The following ZNF639 variants were observed in gnomAD, a reference collection of about 807,000 sequenced individuals.
ZNF639 encodes zinc finger protein 639, also known as zinc finger amplified in esophageal squamous cell carcinomas 1.
In ZNF639, 20 loss-of-function variants were observed where a neutral mutation model predicts 39.8. The observed-to-expected ratio is 0.50, with a 90% confidence interval of 0.35 to 0.73. ZNF639 has a LOEUF of 0.73. Among genes scored for constraint, ZNF639 ranks in the 30% least tolerant of loss-of-function variants. The pLI is 0.00. For missense variants in ZNF639, 477 were observed against 566.2 expected, an observed-to-expected ratio of 0.84 and a Z score of 1.60; for synonymous variants, 176 against 189.8, an observed-to-expected ratio of 0.93 and a Z score of 0.60.
chr3:179,333,089 A>T lies in ZNF639; in HGVS notation c.270A>T (p.Val90=). ...RNQNYLVPSP[V]LRILDHTAFS... ...AGAACTACCTGGTTCCCAGTCCTGT[A>T]CTTAGAATTCTAGACCACACTGCCT... Residue 90 remains valine (V), a synonymous_variant, in exon 5 of 6, where the codon GTA becomes GTT. Coordinates refer to ENST00000496856, the MANE Select transcript of ZNF639 (RefSeq NM_001303426.2). 1 of 1,602,166 alleles carries T rather than the reference A, an allele frequency of 6.2e-7. No homozygotes were observed. Among genetic ancestry groups the T allele is most frequent in the Non-Finnish European group, 8.5e-7 (1 of 1,173,572 alleles).
intron 4 of ZNF639, among the ~76,000 whole-genome samples, chr3:179,331,775 C>CAAA (rs56708873): frequency 8.2e-4 from 66 of 80,384 alleles, no homozygotes; most frequent in Admixed American, 1.1e-3. Flanking sequence ...AACTCCATCT[C>CAAA]AAAAAAAAAA....
At position 179,333,857 on chromosome 3, in the gene ZNF639, T is replaced by G. The variant is rs778155081; in HGVS notation, c.893T>G (p.Phe298Cys). 2 of 1,613,988 alleles carry G rather than the reference T, an allele frequency of 1.2e-6. No individual in the cohort carries two copies. The highest frequency in any genetic ancestry group is 4.5e-5 in the East Asian group (2 of 44,880). ...TGGTGTGAACAGTGTGATGTACAGT[T>G]CTCCTCAAGCAGTGAACTCTACCTA... is the stretch of plus-strand genomic sequence containing the variant. ...LYWCEQCDVQ[F>C]SSSSELYLHF... Residue 298 changes from phenylalanine (F) to cysteine (C), a missense_variant, in exon 6 of 6, where the codon TTC becomes TGC. Physicochemically the swap from Phe to Cys is radical, Grantham distance 205 (BLOSUM62 -2). Transcript: ENST00000496856.
At chr3:179,329,893 A>T (rs1440603562) in intron 4 of ZNF639, 165 bp downstream of exon 4, 1 of 398,024 alleles carries the variant, frequency 2.5e-6, no homozygotes, top group Non-Finnish European at 4.5e-6. Context: ...TAAGAAAGCA[A>T]GTAATTTTAA....
At chr3:179,326,867 ATAATC>A in intron 1 of ZNF639, among the ~76,000 whole-genome samples, 1 of 151,928 alleles carries the variant, frequency 6.6e-6, no homozygotes, top group African/African-American at 2.4e-5. Context: ...TCTTAAATAA[ATAATC>A]TATAAGGGCT....
rs1259534750 is a variant in ZNF639 at position 179,323,281 on chromosome 3, G to A, written c.-93G>A. ...CGTGGGCCGGCCGGGAGGGCCTCGG[G>A]GGACTGACTGGTGAGTGTGAGGGAG... On this transcript the variant is annotated 5_prime_UTR_variant, in exon 1 of 6. Coordinates refer to ENST00000496856, the MANE Select transcript of ZNF639 (RefSeq NM_001303426.2). 1.0e-6 allele frequency: 1 copy of A among 985,158 alleles called. No individual in the cohort carries two copies. The highest frequency in any genetic ancestry group is 1.7e-5 in the African/African-American group (1 of 57,182). 61.0% of individuals were successfully genotyped at this position (985,158 alleles called of 1,614,324 possible).
intron 1 of ZNF639, chr3:179,325,416 A>T (rs1039790542): frequency 5.9e-5 from 9 of 152,240 alleles, no homozygotes; most frequent in African/African-American, 1.9e-4. Context: ...ACTGGTAGCT[A>T]AGAACTGGAA....
intron 3 of ZNF639, 42 bp downstream of exon 3, chr3:179,328,393 C>A: frequency 7.4e-7 from 1 of 1,352,828 alleles, no homozygotes; most frequent in Non-Finnish European, 1.0e-6. Context: ...GGATTAATTC[C>A]CACAAAATTA....
intron 1 of ZNF639, 48 bp downstream of exon 1, chr3:179,323,339 G>A: frequency 2.0e-6 from 2 of 985,742 alleles, no homozygotes; most frequent in South Asian, 4.7e-5. Context: ...ACTGCTCCAG[G>A]GGACGCGGGC....
In ZNF639 at chr3:179,338,448, T is replaced by C. The variant is rs1479184693; in HGVS notation, c.*4026T>C. On this transcript the variant is annotated 3_prime_UTR_variant, in exon 6 of 6. Transcript: ENST00000496856. ...CCAATTTTGCCATTTTAAATCACCT[T>C]TCTTACGTTTCTCTGAATTGTATAT... 1 of 152,200 alleles carries C rather than the reference T, an allele frequency of 6.6e-6. No individual in the cohort carries two copies. The highest frequency in any genetic ancestry group is 2.4e-5 in the African/African-American group (1 of 41,452). 9.4% of individuals were successfully genotyped at this position (152,200 alleles called of 1,614,324 possible).
At chr3:179,325,835 A>G (rs533157256) in intron 1 of ZNF639, among the ~76,000 whole-genome samples, 1 of 152,020 alleles carries the variant, frequency 6.6e-6, no homozygotes, top group Admixed American at 6.5e-5. Flanking sequence ...GAGCCAAGAT[A>G]GCGCCACTGC....
rs71181282 is a variant in ZNF639, at chr3:179,329,909, CTTT to C, written c.169+200_169+202del. 1.5e-3 allele frequency: 311 copies of C among 208,448 alleles called. 2 individuals carry two copies. Among genetic ancestry groups the C allele is most frequent in the South Asian group, 2.8e-3 (36 of 12,886 alleles). The allele number at this position is 208,448 out of a possible 1,614,324, so 12.9% of individuals were successfully genotyped here. On this transcript the variant is annotated intron_variant, in intron 4 of 5. Coordinates refer to ENST00000496856, the MANE Select transcript of ZNF639 (RefSeq NM_001303426.2). Reference sequence around the variant, plus strand: ...AAGAAAGCAAGTAATTTTAACTATTCTTTTTTTTTTTTTTTTTTTTTGAGATGG... The same window carrying C: ...AAGAAAGCAAGTAATTTTAACTATTCTTTTTTTTTTTTTTTTTTGAGATGG...
rs1399335909 is a variant in ZNF639, at chr3:179,337,641, T to C, written c.*3219T>C. On this transcript the variant is annotated 3_prime_UTR_variant, in exon 6 of 6. Transcript: ENST00000496856. The stretch of plus-strand genomic sequence containing the variant: ...CGTGAGCCACTGCACCCGGCATAAT[T>C]TTGGACTTTTTGATGAATCTGCAGC... 2 of 151,984 alleles carry C rather than the reference T, an allele frequency of 1.3e-5. No individual in the cohort carries two copies. The highest frequency in any genetic ancestry group is 2.9e-5 in the Non-Finnish European group (2 of 68,058). The allele number at this position is 151,984 out of a possible 1,614,324, so 9.4% of individuals were successfully genotyped here.
chr3:179,328,774 A>AT (rs35129479), intron 3 of ZNF639, among the ~76,000 whole-genome samples: 42,262 of 135,434 alleles, frequency 0.31, 7,022 homozygotes, highest in East Asian at 0.45. Context: ...TGAATGTGTA[A>AT]TTTTTTTTTT....
upstream of ZNF639, chr3:179,322,903 G>T: frequency 2.0e-6 from 2 of 985,296 alleles, no homozygotes; most frequent in Non-Finnish European, 1.2e-6. Flanking sequence ...AGGGGGCGCG[G>T]GCCGCTGGGC....
In ZNF639 at chr3:179,334,899, A is replaced by G. The variant is rs1728134375; in HGVS notation, c.*477A>G. ...AATAACACTAGGAAGCCACTATTAC[A>G]GGAAGAAAAGATTTGGTTTTCATGG... On this transcript the variant is annotated 3_prime_UTR_variant, in exon 6 of 6. Transcript: ENST00000496856. 6.6e-6 allele frequency: 1 copy of G among 152,264 alleles called. No individual in the cohort carries two copies. Among genetic ancestry groups the G allele is most frequent in the African/African-American group, 2.4e-5 (1 of 41,456 alleles). 9.4% of individuals were successfully genotyped at this position (152,264 alleles called of 1,614,324 possible). A position where few individuals can be genotyped will look rare whatever the true frequency, so the allele number is the denominator to read the frequency against.
Position 179,334,574 on chromosome 3 carries a change from A to T in ZNF639, c.*152A>T. The T allele has an allele frequency of 2.1e-6, 1 of 487,148 alleles. No individual in the cohort carries two copies. The highest frequency in any genetic ancestry group is 3.4e-6 in the Non-Finnish European group (1 of 290,594). The allele number at this position is 487,148 out of a possible 1,614,324, so 30.2% of individuals were successfully genotyped here. ...TATAAAATTTTATTGGCATTGCTCC[A>T]TTTTCTGTATATAAATATATCTTTA... On this transcript the variant is annotated 3_prime_UTR_variant, in exon 6 of 6. Transcript: ENST00000496856.
At position 179,333,476 on chromosome 3, in the gene ZNF639, C is replaced by T. The variant is rs777464117; in HGVS notation, c.512C>T (p.Pro171Leu). ...CTCCAAGACCAAACTGATGAAGAACCGCCAGCTAAACTTTGTAAAATTCTT... is the reference window on the plus strand; with the variant it reads ...CTCCAAGACCAAACTGATGAAGAACTGCCAGCTAAACTTTGTAAAATTCTT... Reference protein sequence around the residue: ...ESLQDQTDEEPPAKLCKILDK... With the variant: ...ESLQDQTDEELPAKLCKILDK... The change falls in exon 6 of 6, where the codon CCG becomes CTG. Residue 171 changes from proline to leucine, a missense_variant. Coordinates refer to ENST00000496856, the MANE Select transcript of ZNF639 (RefSeq NM_001303426.2). The T allele has an allele frequency of 1.4e-5, 23 of 1,613,938 alleles. No homozygotes were observed. Among genetic ancestry groups the T allele is most frequent in the African/African-American group, 1.2e-4 (9 of 74,888 alleles).
rs919337492 is a variant in ZNF639 at position 179,338,399 on chromosome 3, C to T, written c.*3977C>T. On this transcript the variant is annotated 3_prime_UTR_variant, in exon 6 of 6. Coordinates refer to ENST00000496856, the MANE Select transcript of ZNF639 (RefSeq NM_001303426.2). Reference sequence around the variant, plus strand: ...AAAATGGTTGTTCACTAAAAAGCCTCTTCTTTTCCTGCTTATAAATTTGCC... The same window carrying T: ...AAAATGGTTGTTCACTAAAAAGCCTTTTCTTTTCCTGCTTATAAATTTGCC... 6.6e-6 allele frequency: 1 copy of T among 152,156 alleles called. No individual in the cohort carries two copies. The highest frequency in any genetic ancestry group is 1.5e-5 in the Non-Finnish European group (1 of 68,034). 9.4% of individuals were successfully genotyped at this position (152,156 alleles called of 1,614,324 possible). A position where few individuals can be genotyped will look rare whatever the true frequency, so the allele number is the denominator to read the frequency against.
At chr3:179,322,962 T>G (rs368038219), upstream of ZNF639, 1 of 984,916 alleles carries the variant, frequency 1.0e-6, no homozygotes. Flanking sequence ...GCGTGTGCGG[T>G]GCGTTCGCGC....
Sources: allele counts gnomAD v4.1 joint callset (sites outside exome capture counted in the v4.1 genomes callset), GRCh38; gene constraint gnomAD v4.1.1; transcripts MANE v1.5; gene names NCBI Gene and HGNC (gene_info 2026-07-23, HGNC 2026-07-21).